Variants in ADCY7 observed in about 807,000 individuals in gnomAD.
ADCY7 encodes adenylate cyclase 7.
A neutral mutation model predicts 120.6 loss-of-function variants in ADCY7; 72 were observed. That is an observed-to-expected ratio of 0.60 (90% CI 0.49 to 0.73). The LOEUF is 0.73. Among genes scored for constraint, ADCY7 ranks in the 30% least tolerant of loss-of-function variants. The probability of loss-of-function intolerance (pLI) is 0.00; values close to 1 mark genes in which losing one functional copy is unlikely to be tolerated. For missense variants in ADCY7, 1,227 were observed against 1,486.0 expected, an observed-to-expected ratio of 0.83 and a Z score of 2.87; for synonymous variants, 661 against 628.0, an observed-to-expected ratio of 1.05 and a Z score of -0.78.
At chr16:50,300,932 G>T (rs2035675580) in intron 9 of ADCY7, 59 bp downstream of exon 9, 1 of 1,528,824 alleles carries the variant, frequency 6.5e-7, no homozygotes, top group Non-Finnish European at 8.8e-7. Flanking sequence ...TGGATGGAGG[G>T]TTCTGCGGTT....
chr16:50,246,602 A>G (rs2032595200), intron 1 of ADCY7, among the ~76,000 whole-genome samples: 1 of 152,170 alleles, frequency 6.6e-6, no homozygotes, highest in Admixed American at 6.5e-5. Context: ...GTTGGAAGCA[A>G]ACACTGCACA....
chr16:50,314,131 A>G, intron 23 of ADCY7, 69 bp downstream of exon 23: 1 of 1,507,288 alleles, frequency 6.6e-7, no homozygotes, highest in African/African-American at 1.4e-5. Context: ...ACCTTACTTA[A>G]AGGGTGTGCC....
At chr16:50,264,833 CTTTT>C (rs34527039), upstream of ADCY7, among the ~76,000 whole-genome samples, 1 of 110,322 alleles carries the variant, frequency 9.1e-6, no homozygotes, top group South Asian at 3.4e-4. Context: ...TGTGGGAGGT[CTTTT>C]TTTTTTTTTT....
At chr16:50,292,944 C>A in intron 5 of ADCY7, 119 bp downstream of exon 5, 1 of 1,332,504 alleles carries the variant, frequency 7.5e-7, no homozygotes, top group Non-Finnish European at 1.0e-6. Flanking sequence ...CCATGCAGGT[C>A]TCACCTCGGT....
upstream of ADCY7, among the ~76,000 whole-genome samples, chr16:50,265,378 C>G (rs1451522360): frequency 6.6e-6 from 1 of 152,052 alleles, no homozygotes; most frequent in East Asian, 1.9e-4. Context: ...CTGTGTGAGT[C>G]CTATGCCTGT....
intron 1 of ADCY7, among the ~76,000 whole-genome samples, chr16:50,252,835 CA>C (rs1338743022): frequency 6.6e-6 from 1 of 152,118 alleles, no homozygotes; most frequent in Non-Finnish European, 1.5e-5. Flanking sequence ...AATGAAAAAT[CA>C]GAAAATATAA....
intron 4 of ADCY7, 30 bp from the exon 5 acceptor site, chr16:50,292,646 A>C (rs769077192): frequency 3.1e-6 from 5 of 1,610,864 alleles, no homozygotes; most frequent in Non-Finnish European, 3.4e-6. Flanking sequence ...GCCAGGCCAC[A>C]TAATGAGCCA....
Position 50,293,380 on chromosome 16 carries a change from G to C in ADCY7, c.714G>C (p.Pro238=). 6.2e-7 allele frequency: 1 copy of C among 1,613,656 alleles called. No homozygotes were observed. Among genetic ancestry groups the C allele is most frequent in the Non-Finnish European group, 8.5e-7 (1 of 1,179,772 alleles). The stretch of plus-strand genomic sequence containing the variant: ...AGAACCTGCTGCTGTCAGTGCTTCC[G>C]GCCCACATCTCCATGGGCATGAAGC... ...QQENLLLSVL[P]AHISMGMKLA... The change falls in exon 6 of 26, where the codon CCG becomes CCC. Residue 238 remains proline (P), a synonymous_variant. Transcript: ENST00000673801.
intron 1 of ADCY7, among the ~76,000 whole-genome samples, chr16:50,271,892 CCT>C (rs1380015532): frequency 3.3e-5 from 5 of 152,190 alleles, no homozygotes; most frequent in Admixed American, 6.5e-5. Flanking sequence ...GCTTTGAGCC[CCT>C]GTCTTGCTGT....
chr16:50,303,742 A>G (rs1296772801), intron 10 of ADCY7, among the ~76,000 whole-genome samples: 1 of 152,008 alleles, frequency 6.6e-6, no homozygotes, highest in Non-Finnish European at 1.5e-5. Flanking sequence ...GCCCTGTGCC[A>G]TCTGCGGTTG....
intron 10 of ADCY7, chr16:50,301,547 A>C: frequency 1.2e-5 from 3 of 256,094 alleles, no homozygotes; most frequent in Non-Finnish European, 7.5e-6. Flanking sequence ...GTGGTTATTA[A>C]TCTCCCAGAT....
At chr16:50,306,155 T>C (rs1441961382) in intron 14 of ADCY7, among the ~76,000 whole-genome samples, 1 of 152,280 alleles carries the variant, frequency 6.6e-6, no homozygotes, top group Non-Finnish European at 1.5e-5. Context: ...TGCCTCAGGC[T>C]GATGGCACCG....
At chr16:50,245,109 T>A (rs2032540793), upstream of ADCY7, among the ~76,000 whole-genome samples, 1 of 152,128 alleles carries the variant, frequency 6.6e-6, no homozygotes, top group Non-Finnish European at 1.5e-5. Flanking sequence ...ATCTCTCCCC[T>A]CTAGGGTGAG....
rs2151092106 is a variant in ADCY7 at position 50,312,207 on chromosome 16, G to A, written c.2604+16G>A. On this transcript the variant is annotated intron_variant, in intron 21 of 25. Coordinates refer to ENST00000673801, the MANE Select transcript of ADCY7 (RefSeq NM_001114.5). ...GTTAAACGAGGTGTGCTGAGAAGGG[G>A]CTGGGGCGGGGGCAGGGAGGCGGAC... 1 of 1,020,328 alleles carries A rather than the reference G, an allele frequency of 9.8e-7. No individual in the cohort carries two copies. 63.2% of individuals were successfully genotyped at this position (1,020,328 alleles called of 1,614,324 possible).
At chr16:50,284,130 G>A (rs1225762052) in intron 1 of ADCY7, among the ~76,000 whole-genome samples, 3 of 152,116 alleles carry the variant, frequency 2.0e-5, no homozygotes, top group South Asian at 2.1e-4. Context: ...CTTTGGCGGG[G>A]TGGCTCCTAG....
intron 1 of ADCY7, among the ~76,000 whole-genome samples, chr16:50,281,928 A>C (rs1356929097): frequency 6.6e-6 from 1 of 152,180 alleles, no homozygotes; most frequent in Non-Finnish European, 1.5e-5. Context: ...GACCCAGCCT[A>C]CCAGGGGAGC....
At chr16:50,247,641 A>G (rs1199789423) in intron 1 of ADCY7, among the ~76,000 whole-genome samples, 1 of 147,618 alleles carries the variant, frequency 6.8e-6, no homozygotes, top group African/African-American at 2.5e-5. Flanking sequence ...CAGCCTCCCA[A>G]AGTGCTGAGA....
At position 50,288,369 on chromosome 16, in the gene ADCY7, T is replaced by C. The variant is rs1334187263; in HGVS notation, c.171+19T>C. The C allele has an allele frequency of 8.5e-6, 13 of 1,526,992 alleles. No individual in the cohort carries two copies. The highest frequency in any genetic ancestry group is 1.1e-5 in the Non-Finnish European group (13 of 1,131,152). 94.6% of individuals were successfully genotyped at this position (1,526,992 alleles called of 1,614,324 possible). ...CCAGGGGGTGAGTGAGGGCAGCCCCTGGGCTTCACGTCTCGGCCCCAACCT... is the reference window on the plus strand; with the variant it reads ...CCAGGGGGTGAGTGAGGGCAGCCCCCGGGCTTCACGTCTCGGCCCCAACCT... On this transcript the variant is annotated intron_variant, in intron 2 of 25. Transcript: ENST00000673801.
rs201454255 is a variant in ADCY7, at chr16:50,288,462, TTTTG to T, written c.171+120_171+123del. On this transcript the variant is annotated intron_variant, in intron 2 of 25. Transcript: ENST00000673801. ...TTATCTTCTGTAAAATGCTATGCTT[TTTTG>T]TTTGTTTTGTTTTGTTTTTGGGTTT... 4.1e-4 allele frequency: 495 copies of T among 1,193,830 alleles called. 5 individuals carry two copies. In the East Asian group the frequency reaches 0.013, roughly 32 times the overall value. 74.0% of individuals were successfully genotyped at this position (1,193,830 alleles called of 1,614,324 possible).
Sources: allele counts gnomAD v4.1 joint callset (sites outside exome capture counted in the v4.1 genomes callset), GRCh38; gene constraint gnomAD v4.1.1; transcripts MANE v1.5; gene names NCBI Gene and HGNC (gene_info 2026-07-23, HGNC 2026-07-21).